Variants in NHS observed in about 807,000 individuals in gnomAD.
NHS encodes actin remodeling regulator NHS.
Under a neutral mutation model 72.5 loss-of-function variants are expected in NHS, and 5 were observed. The ratio of observed to expected loss-of-function variants is 0.07; its 90% confidence interval spans 0.04 to 0.14. NHS has a LOEUF of 0.14. Among genes scored for constraint, NHS ranks in the 10% least tolerant of loss-of-function variants. The pLI is 1.00. For missense variants in NHS, 1,072 were observed against 1,355.7 expected, an observed-to-expected ratio of 0.79 and a Z score of 3.29; for synonymous variants, 464 against 547.7, an observed-to-expected ratio of 0.85 and a Z score of 2.13.
At chrX:17,614,132 T>G (rs1458827238) in intron 1 of NHS, among the ~76,000 whole-genome samples, 2 of 112,230 alleles carry the variant, frequency 1.8e-5, no homozygotes, top group Non-Finnish European at 3.8e-5. Context: ...AAGTCTGCAC[T>G]GTTGTGAATA....
intron 1 of NHS, among the ~76,000 whole-genome samples, chrX:17,638,970 T>C (rs2065865661): frequency 8.9e-6 from 1 of 111,777 alleles, no homozygotes; most frequent in Non-Finnish European, 1.9e-5. Flanking sequence ...GGGGAGGGCA[T>C]GCAGCCAAAT....
In NHS at chrX:17,376,221, G is replaced by A. The variant is rs2064346410; in HGVS notation, c.464G>A (p.Ser155Asn). Residue 155 changes from serine to asparagine, a missense_variant, in exon 1 of 9, where the codon AGC becomes AAC. Coordinates refer to ENST00000676302, the MANE Select transcript of NHS (RefSeq NM_001291867.2). ...TGCAGCCTCTTCCAGGAGCTCGAGA[G>A]CGACATCCAGCTCACCCACCGCCGC... Reference protein sequence around the residue: ...HACSLFQELESDIQLTHRRVW... With the variant: ...HACSLFQELENDIQLTHRRVW... 1 of 1,184,973 alleles carries A rather than the reference G, an allele frequency of 8.4e-7. No individual in the cohort carries two copies. Among genetic ancestry groups the A allele is most frequent in the Admixed American group, 2.2e-5 (1 of 44,718 alleles).
chrX:17,571,609 A>G (rs187583327), intron 1 of NHS, among the ~76,000 whole-genome samples: 1,130 of 111,791 alleles, frequency 0.01, 5 homozygotes, highest in Non-Finnish European at 0.017. Flanking sequence ...GATCTTTTCA[A>G]AAAACCAGCT....
intron 1 of NHS, among the ~76,000 whole-genome samples, chrX:17,566,704 T>A (rs981304561): frequency 4.5e-5 from 5 of 111,223 alleles, no homozygotes; most frequent in African/African-American, 1.3e-4. Flanking sequence ...TTTTTTTTTT[T>A]ATTCCAGGAT....
intron 1 of NHS, among the ~76,000 whole-genome samples, chrX:17,456,077 G>A (rs779950420): frequency 1.2e-4 from 14 of 112,009 alleles, no homozygotes; most frequent in Non-Finnish European, 1.9e-5. Context: ...CCAGATACCA[G>A]AAGAGACGCT....
intron 2 of NHS, among the ~76,000 whole-genome samples, chrX:17,690,237 T>C (rs1359312324): frequency 1.8e-5 from 2 of 112,653 alleles, no homozygotes; most frequent in East Asian, 5.5e-4. Context: ...TTTTTTAACC[T>C]TGTCCAAGAA....
intron 1 of NHS, among the ~76,000 whole-genome samples, chrX:17,488,885 G>A (rs900565739): frequency 9.0e-6 from 1 of 110,934 alleles, no homozygotes; most frequent in Non-Finnish European, 1.9e-5. Context: ...GTGGTTTGCT[G>A]CACCCATCAA....
chrX:17,445,349 T>G, intron 1 of NHS, among the ~76,000 whole-genome samples: 1 of 112,024 alleles, frequency 8.9e-6, no homozygotes, highest in East Asian at 2.8e-4. Context: ...CAAGGGTAAA[T>G]GCTGCCCTAA....
At position 17,728,107 on chromosome X, in the gene NHS, C is replaced by T. The variant is rs2066462411; in HGVS notation, c.4001C>T (p.Thr1334Ile). ...CAGTCAGACTCACCAACTAGAGCAA[C>T]AGATGTAAGCAATCAATTTAAGCAT... is the stretch of plus-strand genomic sequence containing the variant. ...TSQSDSPTRA[T>I]DVSNQFKHQF... Residue 1334 changes from threonine (T) to isoleucine (I), a missense_variant, in exon 7 of 9, where the codon ACA becomes ATA. Transcript: ENST00000676302. 2 of 1,211,603 alleles carry T rather than the reference C, an allele frequency of 1.7e-6. No homozygotes were observed. Among genetic ancestry groups the T allele is most frequent in the South Asian group, 1.8e-5 (1 of 56,986 alleles).
intron 6 of NHS, among the ~76,000 whole-genome samples, chrX:17,724,709 A>C (rs191340517): frequency 8.1e-4 from 91 of 112,397 alleles, no homozygotes; most frequent in African/African-American, 2.7e-3. Context: ...GAAATTGTGA[A>C]TAAAAAGTAG....
intron 3 of NHS, among the ~76,000 whole-genome samples, chrX:17,710,934 A>G (rs1478378011): frequency 8.9e-6 from 1 of 111,757 alleles, no homozygotes; most frequent in Non-Finnish European, 1.9e-5. Flanking sequence ...AGTGGGCCTG[A>G]GTGTGTGACA....
At chrX:17,634,003 G>A (rs967376477) in intron 1 of NHS, among the ~76,000 whole-genome samples, 8 of 111,508 alleles carry the variant, frequency 7.2e-5, no homozygotes, top group African/African-American at 2.6e-4. Flanking sequence ...TCTCTCTTCT[G>A]TCTTCATCTC....
chrX:17,692,373 G>A lies in NHS; in HGVS notation c.757G>A (p.Ala253Thr), dbSNP rs780208848. The A allele has an allele frequency of 3.3e-6, 4 of 1,210,967 alleles. No individual in the cohort carries two copies. Among genetic ancestry groups the A allele is most frequent in the South Asian group, 1.8e-5 (1 of 56,830 alleles). Residue 253 changes from alanine (A) to threonine (T), a missense_variant, in exon 3 of 9, where the codon GCT becomes ACT. Coordinates refer to ENST00000676302, the MANE Select transcript of NHS (RefSeq NM_001291867.2). ...SRSDRREQRA[A>T]APLSIAAPPL... ...GAGCGATCGCCGAGAGCAAAGAGCA[G>A]CTGCCCCCCTTTCCATTGCAGCTCC...
chrX:17,611,570 G>C (rs1196069853), intron 1 of NHS, among the ~76,000 whole-genome samples: 6 of 111,032 alleles, frequency 5.4e-5, no homozygotes. Flanking sequence ...ATAGAAACTT[G>C]TCTGACTGTT....
intron 1 of NHS, among the ~76,000 whole-genome samples, chrX:17,554,649 G>A (rs73443664): frequency 9.2e-4 from 103 of 111,820 alleles, no homozygotes; most frequent in African/African-American, 3.0e-3. Context: ...GAACTGTGTC[G>A]TGGTTGGCCC....
intron 1 of NHS, among the ~76,000 whole-genome samples, chrX:17,438,308 C>G (rs924503596): frequency 3.6e-5 from 4 of 112,398 alleles, no homozygotes; most frequent in African/African-American, 1.3e-4. Flanking sequence ...CCAGAAACTT[C>G]ATGGCCCCAC....
intron 1 of NHS, among the ~76,000 whole-genome samples, chrX:17,424,858 G>A (rs1325092087): frequency 9.0e-6 from 1 of 111,657 alleles, no homozygotes; most frequent in Non-Finnish European, 1.9e-5. Flanking sequence ...TGCTTAGAGT[G>A]AATCCTTGTA....
At chrX:17,578,250 G>A (rs1165761980) in intron 1 of NHS, among the ~76,000 whole-genome samples, 1 of 112,069 alleles carries the variant, frequency 8.9e-6, no homozygotes, top group Non-Finnish European at 1.9e-5. Flanking sequence ...CCAGATGTTG[G>A]AAATGATCAG....
Position 17,375,838 on chromosome X carries a change from G to A in NHS, c.81G>A (p.Ala27=). 8.7e-7 allele frequency: 1 copy of A among 1,146,162 alleles called. No homozygotes were observed. The highest frequency in any genetic ancestry group is 1.2e-6 in the Non-Finnish European group (1 of 868,890). The allele number at this position is 1,146,162 out of a possible 1,213,427, so 94.5% of individuals were successfully genotyped here. ...RRPAPGPAVD[A]SGGSAEPPPP... is the part of the protein sequence containing the mutation. ...CTGCGCCCGGCCCAGCAGTGGACGCGAGCGGAGGCAGCGCTGAGCCGCCGC... is the reference window on the plus strand; with the variant it reads ...CTGCGCCCGGCCCAGCAGTGGACGCAAGCGGAGGCAGCGCTGAGCCGCCGC... Residue 27 remains alanine (A), a synonymous_variant, in exon 1 of 9, where the codon GCG becomes GCA. Transcript: ENST00000676302.
Sources: allele counts gnomAD v4.1 joint callset (sites outside exome capture counted in the v4.1 genomes callset), GRCh38; gene constraint gnomAD v4.1.1; transcripts MANE v1.5; gene names NCBI Gene and HGNC (gene_info 2026-07-23, HGNC 2026-07-21).